PRCC: variants seen among roughly 807,000 people sequenced by gnomAD.
The protein encoded by PRCC is proline-rich protein PRCC.
Under a neutral mutation model 44.0 loss-of-function variants are expected in PRCC, and 10 were observed. That is an observed-to-expected ratio of 0.23 (90% CI 0.14 to 0.39). PRCC has a LOEUF of 0.39. PRCC is among the 10% of genes least tolerant of loss of function. The pLI is 1.00. For missense variants in PRCC, 573 were observed against 624.7 expected (o/e 0.92, Z 0.88); for synonymous variants, 278 against 259.5 (o/e 1.07, Z -0.69).
intron 4 of PRCC, among the ~76,000 whole-genome samples, chr1:156,794,111 C>G (rs1652581668): frequency 6.6e-6 from 1 of 151,928 alleles, no homozygotes; most frequent in African/African-American, 2.4e-5. Flanking sequence ...GTATGCACCA[C>G]CACACCCAGC....
intron 2 of PRCC, among the ~76,000 whole-genome samples, chr1:156,783,436 A>G (rs1341101725): frequency 1.3e-5 from 2 of 151,994 alleles, no homozygotes; most frequent in Non-Finnish European, 2.9e-5. Flanking sequence ...GAAAAGCAGA[A>G]GTGGTCCTGC....
At chr1:156,788,659 C>CTTTTT (rs58867718) in intron 3 of PRCC, among the ~76,000 whole-genome samples, 2 of 95,284 alleles carry the variant, frequency 2.1e-5, no homozygotes, top group African/African-American at 3.8e-5. Context: ...TTGCCAGCAT[C>CTTTTT]TTTTTTTTTT....
At position 156,780,024 on chromosome 1, in the gene PRCC, C is replaced by T. The variant is rs536126096; in HGVS notation, c.469-2258C>T. ...TTGTACCTCAGCCTCCCGAGAAGTG[C>T]GCACCACCACGCCTGGCTAACTTTT... On this transcript the variant is annotated intron_variant, in intron 1 of 6. Coordinates refer to ENST00000271526, the MANE Select transcript of PRCC (RefSeq NM_005973.5). Among the ~76,000 whole-genome samples the T allele has an allele frequency of 2.2e-4, 33 of 151,872 alleles. No homozygotes were observed. In the South Asian group the frequency reaches 4.2e-3, roughly 19 times the overall value.
chr1:156,794,852 A>G (rs1652604959), intron 5 of PRCC, 44 bp downstream of exon 5: 1 of 1,610,156 alleles, frequency 6.2e-7, no homozygotes, highest in East Asian at 2.2e-5. Context: ...GGGAAGCTGC[A>G]AAGCAAAATC....
At chr1:156,778,467 A>G (rs1651906870) in intron 1 of PRCC, among the ~76,000 whole-genome samples, 2 of 152,110 alleles carry the variant, frequency 1.3e-5, no homozygotes, top group African/African-American at 4.8e-5. Context: ...TAACTTGGCT[A>G]CTGTGAATAA....
intron 3 of PRCC, among the ~76,000 whole-genome samples, chr1:156,787,917 C>T (rs529537899): frequency 1.6e-3 from 238 of 151,966 alleles, no homozygotes; most frequent in African/African-American, 5.2e-3. Flanking sequence ...CTGCAACCTC[C>T]GCCTCCCAGG....
intron 3 of PRCC, among the ~76,000 whole-genome samples, chr1:156,787,510 T>C (rs1488631332): frequency 3.5e-5 from 5 of 142,554 alleles, no homozygotes; most frequent in South Asian, 2.2e-4. Flanking sequence ...TGTTTTTTTT[T>C]CTTCCTAACC....
At chr1:156,798,343 G>T (rs1477962474) in intron 6 of PRCC, among the ~76,000 whole-genome samples, 3 of 150,236 alleles carry the variant, frequency 2.0e-5, no homozygotes, top group Non-Finnish European at 3.0e-5. Context: ...GTCTCGCTCT[G>T]TTGCCAGGCT....
chr1:156,800,129 G>A (rs1652787181), intron 6 of PRCC, among the ~76,000 whole-genome samples: 1 of 152,146 alleles, frequency 6.6e-6, no homozygotes, highest in South Asian at 2.1e-4. Context: ...TTCTACTAGA[G>A]GAAGCACCAG....
intron 1 of PRCC, among the ~76,000 whole-genome samples, chr1:156,773,731 T>C (rs1651716398): frequency 6.6e-6 from 1 of 152,126 alleles, no homozygotes; most frequent in African/African-American, 2.4e-5. Context: ...ACAAACAGAA[T>C]GATGATCCAC....
At position 156,775,333 on chromosome 1, in the gene PRCC, C is replaced by T. The variant is rs1165683407; in HGVS notation, c.469-6949C>T. 4.6e-5 allele frequency among the ~76,000 whole-genome samples: 7 copies of T among 151,504 alleles called. No homozygotes were observed. The East Asian group carries it at 1.4e-3, about 29-fold the overall frequency. ...AGACCCCTGGGCTCAAGTGATCCTC[C>T]TGCCTCATTTTTCTTTCTTTTGTTT... is the stretch of plus-strand genomic sequence containing the variant. On this transcript the variant is annotated intron_variant, in intron 1 of 6. Coordinates refer to ENST00000271526, the MANE Select transcript of PRCC (RefSeq NM_005973.5).
chr1:156,770,748 T>TAG (rs1328602573), intron 1 of PRCC, among the ~76,000 whole-genome samples: 3 of 152,262 alleles, frequency 2.0e-5, no homozygotes, highest in Non-Finnish European at 4.4e-5. Context: ...GTCTTACACT[T>TAG]AGGCTCTTAG....
chr1:156,783,563 T>C (rs542943279), intron 2 of PRCC, among the ~76,000 whole-genome samples: 62 of 152,158 alleles, frequency 4.1e-4, no homozygotes, highest in Non-Finnish European at 8.5e-4. Context: ...CTGGCCAACA[T>C]GGTGAAACCC....
At chr1:156,799,109 T>TTCTCTTGACTACAAA (rs1187587948) in intron 6 of PRCC, among the ~76,000 whole-genome samples, 1 of 152,198 alleles carries the variant, frequency 6.6e-6, no homozygotes, top group Non-Finnish European at 1.5e-5. Flanking sequence ...TTGTTGATGT[T>TTCTCTTGACTACAAA]TCTCTTGACT....
intron 1 of PRCC, among the ~76,000 whole-genome samples, chr1:156,774,843 T>G (rs1015494685): frequency 1.6e-4 from 25 of 151,572 alleles, no homozygotes; most frequent in Non-Finnish European, 2.9e-4. Flanking sequence ...TCCCAGCTAC[T>G]TGGGAAGCTG....
intron 1 of PRCC, among the ~76,000 whole-genome samples, chr1:156,778,812 T>C (rs190771319): frequency 1.3e-5 from 2 of 151,686 alleles, no homozygotes; most frequent in African/African-American, 4.8e-5. Flanking sequence ...ATGGCAATTT[T>C]TTTTTAGATG....
intron 6 of PRCC, among the ~76,000 whole-genome samples, chr1:156,797,594 A>G (rs1652702658): frequency 6.6e-6 from 1 of 152,214 alleles, no homozygotes; most frequent in South Asian, 2.1e-4. Context: ...GAAAATCCAG[A>G]TATCCAAAAC....
intron 3 of PRCC, among the ~76,000 whole-genome samples, chr1:156,789,883 T>C (rs530578650): frequency 1.3e-5 from 2 of 152,248 alleles, no homozygotes; most frequent in East Asian, 1.9e-4. Context: ...GGAAGAGATA[T>C]TTAGATTTGA....
rs922559103 is a variant in PRCC at position 156,796,913 on chromosome 1, G to C, written c.1324-363G>C. On this transcript the variant is annotated intron_variant, in intron 5 of 6. Transcript: ENST00000271526. ...CCTGGCCCACAAACTGTTTCAGACT[G>C]ACTGCACGCAGTTAAACTGGTCTCA... 12 of 209,908 alleles carry C rather than the reference G, an allele frequency of 5.7e-5. No individual in the cohort carries two copies. In the South Asian group the frequency reaches 7.5e-4, roughly 13 times the overall value. 13.0% of individuals were successfully genotyped at this position (209,908 alleles called of 1,614,324 possible).
Sources: allele counts gnomAD v4.1 joint callset (sites outside exome capture counted in the v4.1 genomes callset), GRCh38; gene constraint gnomAD v4.1.1; transcripts MANE v1.5; gene names NCBI Gene and HGNC (gene_info 2026-07-23, HGNC 2026-07-21).